Variants in REV3L observed in about 807,000 individuals in gnomAD.
The protein encoded by REV3L is DNA polymerase zeta catalytic subunit.
Under a neutral mutation model 299.4 loss-of-function variants are expected in REV3L, and 69 were observed. That is an observed-to-expected ratio of 0.23 (90% CI 0.19 to 0.28). The LOEUF is 0.28. Ranked by LOEUF, REV3L falls within the 10% of genes least tolerant of loss-of-function variation. The pLI is 1.00. For missense variants in REV3L, 3,128 were observed against 3,693.8 expected (o/e 0.85, Z 3.97); for synonymous variants, 1,238 against 1,271.4 (o/e 0.97, Z 0.56).
chr6:111,338,312 C>CTTTTTTTTTTTTTTTTTTTTTTTTT (rs144497761), intron 21 of REV3L, among the ~76,000 whole-genome samples: 4 of 47,940 alleles, frequency 8.3e-5, no homozygotes, highest in African/African-American at 2.6e-4. Flanking sequence ...GTCTAAAGTC[C>CTTTTTTTTTTTTTTTTTTTTTTTTT]TTTTTTTTTT....
intron 1 of REV3L, among the ~76,000 whole-genome samples, chr6:111,469,668 C>T (rs1409664022): frequency 2.0e-5 from 3 of 152,150 alleles, no homozygotes; most frequent in Admixed American, 6.6e-5. Context: ...GCCTAGCCTG[C>T]GGGAGACACA....
chr6:111,346,156 C>A lies in REV3L; in HGVS notation c.7420-2113G>T, dbSNP rs370648961. Among the ~76,000 whole-genome samples, 5 of 152,254 alleles carry A rather than the reference C, an allele frequency of 3.3e-5. No homozygotes were observed. The East Asian group carries it at 7.7e-4, about 24-fold the overall frequency. On this transcript the variant is annotated intron_variant, in intron 20 of 31. Transcript: ENST00000368802. ...TTACTATACTCTTACTTTATCTAAA[C>A]CCAGGCCCCTCAACCAGTGCACCAA...
chr6:111,318,254 A>T (rs2114759908), intron 26 of REV3L, among the ~76,000 whole-genome samples: 1 of 150,028 alleles, frequency 6.7e-6, no homozygotes, highest in Non-Finnish European at 1.5e-5. Context: ...CGCCCGGCTA[A>T]TTTTTTGTAT....
At chr6:111,419,051 G>A (rs1162138037) in intron 1 of REV3L, among the ~76,000 whole-genome samples, 1 of 152,208 alleles carries the variant, frequency 6.6e-6, no homozygotes, top group Non-Finnish European at 1.5e-5. Context: ...GGTGTGTGGG[G>A]TTGAGAAGGA....
chr6:111,307,616 C>A (rs1444271899), intron 30 of REV3L, 46 bp from the exon 31 acceptor site: 1 of 1,555,962 alleles, frequency 6.4e-7, no homozygotes, highest in Non-Finnish European at 8.9e-7. Flanking sequence ...AGCTTCACAG[C>A]AAAGCTGCTA....
At position 111,392,916 on chromosome 6, in the gene REV3L, C is replaced by A. The variant is rs1276905503; in HGVS notation, c.622G>T (p.Ala208Ser). 1 of 1,612,824 alleles carries A rather than the reference C, an allele frequency of 6.2e-7. No individual in the cohort carries two copies. The highest frequency in any genetic ancestry group is 1.7e-5 in the Admixed American group (1 of 60,004). ...CKNHLSGNSL[A>S]DTLFRWEQDE... ...TGTTCCCACCGAAATAAAGTATCAG[C>A]AAGAGAATTTCCTGATAAATGATTC... Residue 208 changes from alanine to serine, a missense_variant, in exon 5 of 32, where the codon GCT becomes TCT. Transcript: ENST00000368802.
chr6:111,471,319 A>G (rs1792178847), intron 1 of REV3L, among the ~76,000 whole-genome samples: 1 of 151,990 alleles, frequency 6.6e-6, no homozygotes, highest in Non-Finnish European at 1.5e-5. Context: ...TGGACCACTT[A>G]TAAAACATAG....
chr6:111,416,691 C>T (rs1784799893), intron 1 of REV3L, among the ~76,000 whole-genome samples: 3 of 152,202 alleles, frequency 2.0e-5, no homozygotes, highest in Admixed American at 2.0e-4. Context: ...AACAGTATGA[C>T]TTAAACAGTA....
At position 111,309,864 on chromosome 6, in the gene REV3L, CATG is replaced by C. The variant is rs1772771358; in HGVS notation, c.9028_9030del (p.His3010del). On this transcript the variant is annotated inframe_deletion, in exon 30 of 32. Transcript: ENST00000368802. The stretch of plus-strand genomic sequence containing the variant: ...TTTGGTAAGCTTACCCTTGGTAATT[CATG>C]ATACCAGCTGAAGACATCAATACCA... 1.2e-6 allele frequency: 2 copies of C among 1,613,550 alleles called. No homozygotes were observed. Among genetic ancestry groups the C allele is most frequent in the Non-Finnish European group, 1.7e-6 (2 of 1,179,690 alleles).
At position 111,370,127 on chromosome 6, in the gene REV3L, G is replaced by A. The variant is rs538183355; in HGVS notation, c.5760-2099C>T. Among the ~76,000 whole-genome samples the A allele has an allele frequency of 5.3e-5, 8 of 152,058 alleles. 1 individual carries two copies. In the South Asian group the frequency reaches 1.2e-3, roughly 24 times the overall value. On this transcript the variant is annotated intron_variant, in intron 13 of 31. Coordinates refer to ENST00000368802, the MANE Select transcript of REV3L (RefSeq NM_001372078.1). The stretch of plus-strand genomic sequence containing the variant: ...ATTACAGGCGTGAGCCACCGTGCCC[G>A]GCCTACAGTTTCATATTTCAAAAAT...
chr6:111,335,304 C>A (rs1190235996), intron 22 of REV3L, among the ~76,000 whole-genome samples, 165 bp downstream of exon 22: 1 of 152,084 alleles, frequency 6.6e-6, no homozygotes, highest in African/African-American at 2.4e-5. Context: ...TTGGCAGTGG[C>A]CGGAAAGTTG....
At chr6:111,351,244 A>T (rs375848266) in intron 19 of REV3L, among the ~76,000 whole-genome samples, 13 of 152,004 alleles carry the variant, frequency 8.6e-5, no homozygotes, top group African/African-American at 3.1e-4. Context: ...AAAATGGATT[A>T]AAAAAAACAG....
At chr6:111,327,446 T>G (rs1352178337) in intron 25 of REV3L, among the ~76,000 whole-genome samples, 3 of 151,976 alleles carry the variant, frequency 2.0e-5, no homozygotes, top group Non-Finnish European at 4.4e-5. Flanking sequence ...TCCCAGCTAC[T>G]TGGAGGCAGA....
intron 9 of REV3L, among the ~76,000 whole-genome samples, chr6:111,383,352 G>A (rs915952312): frequency 1.3e-5 from 2 of 152,184 alleles, no homozygotes; most frequent in African/African-American, 2.4e-5. Context: ...CTTATCTGCC[G>A]ATGGTATGAT....
intron 13 of REV3L, among the ~76,000 whole-genome samples, chr6:111,371,398 A>AT (rs925769210): frequency 1.1e-4 from 17 of 149,330 alleles, no homozygotes; most frequent in East Asian, 3.9e-4. Flanking sequence ...CCCTGAAGAG[A>AT]TTTTTTTTTT....
intron 1 of REV3L, among the ~76,000 whole-genome samples, chr6:111,447,495 A>G (rs2128313385): frequency 6.6e-6 from 1 of 152,358 alleles, no homozygotes; most frequent in South Asian, 2.1e-4. Flanking sequence ...AGACCTGATT[A>G]AAGATGGTTT....
intron 31 of REV3L, among the ~76,000 whole-genome samples, chr6:111,301,262 T>C (rs1309086095): frequency 6.6e-6 from 1 of 152,206 alleles, no homozygotes; most frequent in East Asian, 1.9e-4. Flanking sequence ...TCAATGACAA[T>C]GTGTGCCCAG....
chr6:111,334,886 A>T (rs1775757992), intron 22 of REV3L, among the ~76,000 whole-genome samples: 1 of 152,192 alleles, frequency 6.6e-6, no homozygotes, highest in East Asian at 1.9e-4. Flanking sequence ...GAGTGTTTTA[A>T]TATGGTATCG....
intron 13 of REV3L, among the ~76,000 whole-genome samples, chr6:111,371,147 T>C (rs776913727): frequency 4.6e-5 from 7 of 152,116 alleles, no homozygotes; most frequent in Non-Finnish European, 7.4e-5. Context: ...ATGAACTGCC[T>C]GCTCTGCAAC....
Sources: allele counts gnomAD v4.1 joint callset (sites outside exome capture counted in the v4.1 genomes callset), GRCh38; gene constraint gnomAD v4.1.1; transcripts MANE v1.5; gene names NCBI Gene and HGNC (gene_info 2026-07-23, HGNC 2026-07-21).